The following MTIF3 variants were observed in gnomAD, a reference collection of about 807,000 sequenced individuals.
The protein encoded by MTIF3 is translation initiation factor IF-3, mitochondrial.
In MTIF3, 13 loss-of-function variants were observed where a neutral mutation model predicts 20.7. That is an observed-to-expected ratio of 0.63 (90% CI 0.41 to 1.00). The LOEUF (loss-of-function observed/expected upper bound fraction) is 1.00, where lower values mean the gene tolerates loss of function less well. Ranked by LOEUF, MTIF3 falls within the 50% of genes least tolerant of loss-of-function variation. The pLI, the probability that MTIF3 is intolerant of heterozygous loss-of-function variation, is 0.00. For missense variants in MTIF3, 295 were observed against 324.5 expected (o/e 0.91, Z 0.70); for synonymous variants, 114 against 112.5 (o/e 1.01, Z -0.08).
chr13:27,435,861 C>A lies in MTIF3; in HGVS notation c.651G>T (p.Met217Ile). Reference sequence around the variant, plus strand: ...TAGATGAGAATGTAGCTATTCCAGGCATAGTCTGGAGTATTTGATGAAATA... The same window carrying A: ...TAGATGAGAATGTAGCTATTCCAGGAATAGTCTGGAGTATTTGATGAAATA... ...EEIFHQILQTMPGIATFSSRP... is the reference protein window; with the variant it reads ...EEIFHQILQTIPGIATFSSRP... Residue 217 changes from methionine to isoleucine, a missense_variant, in exon 5 of 5, where the codon ATG (methionine) becomes ATT (isoleucine). Physicochemically the swap from Met to Ile is conservative, Grantham distance 10 (BLOSUM62 1). Coordinates refer to ENST00000381120, the MANE Select transcript of MTIF3 (RefSeq NM_152912.5). 6.2e-7 allele frequency: 1 copy of A among 1,613,678 alleles called. No homozygotes were observed.
intron 2 of MTIF3, among the ~76,000 whole-genome samples, chr13:27,443,336 AG>A (rs759659627): frequency 2.0e-4 from 30 of 152,250 alleles, no homozygotes; most frequent in Non-Finnish European, 4.0e-4. Context: ...CCAAAAAAGA[AG>A]AAAAATCTGA....
intron 2 of MTIF3, among the ~76,000 whole-genome samples, chr13:27,442,286 G>A (rs769723708): frequency 2.6e-5 from 4 of 152,072 alleles, no homozygotes; most frequent in East Asian, 3.9e-4. Flanking sequence ...AAAACCTACC[G>A]TTCAACCAGT....
At chr13:27,440,916 T>C (rs1953984436) in intron 2 of MTIF3, 1 of 170,668 alleles carries the variant, frequency 5.9e-6, no homozygotes, top group Admixed American at 5.4e-5. Flanking sequence ...TAACACATAT[T>C]TTGTATGCCA....
intron 1 of MTIF3, among the ~76,000 whole-genome samples, chr13:27,446,599 C>T (rs912438774): frequency 1.4e-4 from 22 of 152,296 alleles, no homozygotes; most frequent in Middle Eastern, 3.4e-3. Context: ...GCCAATGTAA[C>T]TATTCTAGTC....
chr13:27,446,146 T>G (rs750897504), intron 1 of MTIF3, among the ~76,000 whole-genome samples: 2 of 152,124 alleles, frequency 1.3e-5, no homozygotes, highest in Non-Finnish European at 2.9e-5. Context: ...AACCTCCGCC[T>G]CCCAGGTTCA....
intron 1 of MTIF3, among the ~76,000 whole-genome samples, chr13:27,448,797 G>C (rs1954259932): frequency 6.6e-6 from 1 of 152,114 alleles, no homozygotes; most frequent in Admixed American, 6.5e-5. Flanking sequence ...CAGCACTTTG[G>C]GGAGGCTGAG....
chr13:27,438,481 CTGT>C (rs1247317817), intron 3 of MTIF3, among the ~76,000 whole-genome samples: 2 of 52,066 alleles, frequency 3.8e-5, no homozygotes, highest in African/African-American at 5.7e-5. Context: ...CAGAGCAAGA[CTGT>C]TTTTTTTTTT....
chr13:27,439,976 G>C lies in MTIF3; in HGVS notation c.460+13C>G, dbSNP rs1162196643. The C allele has an allele frequency of 1.9e-6, 3 of 1,610,054 alleles. No individual in the cohort carries two copies. In the South Asian group the frequency reaches 3.3e-5, roughly 18 times the overall value. On this transcript the variant is annotated intron_variant, in intron 3 of 4. Coordinates refer to ENST00000381120, the MANE Select transcript of MTIF3 (RefSeq NM_152912.5). ...TCTTAAAGGATTCAGGGAGCCAACA[G>C]CAAAATACCTACCAGTTTTGGGGTT... is the stretch of plus-strand genomic sequence containing the variant.
In MTIF3 at chr13:27,437,265, G is replaced by T; in HGVS notation, c.469C>A (p.Leu157Met). 6.2e-7 allele frequency: 1 copy of T among 1,613,286 alleles called. No individual in the cohort carries two copies. Among genetic ancestry groups the T allele is most frequent in the Non-Finnish European group, 8.5e-7 (1 of 1,179,914 alleles). ...EKANPKTGPT[L>M]RKELILSSNI... Reference sequence around the variant, plus strand: ...GAAGACAAAATCAGTTCCTTTCTCAGGGTTGGTCCTGGTTTGAAACAGATA... The same window carrying T: ...GAAGACAAAATCAGTTCCTTTCTCATGGTTGGTCCTGGTTTGAAACAGATA... Residue 157 changes from leucine (L) to methionine (M), a missense_variant, in exon 4 of 5, where the codon CTG becomes ATG. By Grantham distance (15) the Leu-to-Met change is conservative (BLOSUM62 2). Coordinates refer to ENST00000381120, the MANE Select transcript of MTIF3 (RefSeq NM_152912.5).
intron 2 of MTIF3, among the ~76,000 whole-genome samples, chr13:27,442,735 C>T (rs1885992): frequency 5.3e-5 from 8 of 152,160 alleles, no homozygotes; most frequent in African/African-American, 1.9e-4. Flanking sequence ...TCTGCTCAAA[C>T]GCTACCTACT....
intron 2 of MTIF3, among the ~76,000 whole-genome samples, chr13:27,441,533 A>G (rs74043904): frequency 1.2e-3 from 177 of 152,330 alleles, no homozygotes; most frequent in African/African-American, 4.0e-3. Context: ...CCAAATGTTA[A>G]CAGAGGCATG....
intron 1 of MTIF3, among the ~76,000 whole-genome samples, chr13:27,447,014 T>C (rs1954201296): frequency 6.6e-6 from 1 of 151,988 alleles, no homozygotes; most frequent in South Asian, 2.1e-4. Flanking sequence ...ATAAAACAAA[T>C]GGTGATGGTT....
chr13:27,447,402 C>T (rs1269525037), intron 1 of MTIF3, among the ~76,000 whole-genome samples: 6 of 152,092 alleles, frequency 3.9e-5, no homozygotes, highest in South Asian at 4.1e-4. Context: ...AGGAGACTAA[C>T]TCAAAATAGA....
chr13:27,437,083 G>A lies in MTIF3; in HGVS notation c.618+33C>T, dbSNP rs374100383. On this transcript the variant is annotated intron_variant, in intron 4 of 4. Coordinates refer to ENST00000381120, the MANE Select transcript of MTIF3 (RefSeq NM_152912.5). Reference sequence around the variant, plus strand: ...GTATTTTTAGATCAGAAGACCCAAAGCACAAGCAGTGGCTTGTACCTTCTT... The same window carrying A: ...GTATTTTTAGATCAGAAGACCCAAAACACAAGCAGTGGCTTGTACCTTCTT... The A allele has an allele frequency of 8.7e-6, 14 of 1,603,786 alleles. No individual in the cohort carries two copies. In the African/African-American group the frequency reaches 1.9e-4, roughly 22 times the overall value.
In MTIF3 at chr13:27,437,194, C is replaced by A. The variant is rs753057889; in HGVS notation, c.540G>T (p.Gln180His). The A allele has an allele frequency of 2.5e-6, 4 of 1,614,008 alleles. No individual in the cohort carries two copies. Among genetic ancestry groups the A allele is most frequent in the Non-Finnish European group, 2.5e-6 (3 of 1,179,900 alleles). ...HDLDTKTKQI[Q>H]QWIKKKHLVQ... ...CTAGGTGTTTTTTCTTAATCCACTG[C>A]TGAATCTGTTTAGTCTTTGTGTCCA... Residue 180 changes from glutamine to histidine, a missense_variant, in exon 4 of 5, where the codon CAG becomes CAT. Transcript: ENST00000381120.
chr13:27,447,875 T>TATATGA (rs1224577184), intron 1 of MTIF3, among the ~76,000 whole-genome samples: 2 of 150,040 alleles, frequency 1.3e-5, no homozygotes, highest in African/African-American at 4.9e-5. Context: ...GTCCTCCAAG[T>TATATGA]ATATGAATAT....
Position 27,436,745 on chromosome 13 carries a change from AT to A in MTIF3, c.618+370del, listed in dbSNP as rs66903644. On this transcript the variant is annotated intron_variant, in intron 4 of 4. Transcript: ENST00000381120. ...GTCTTTATATTTCAGATTTTCTACA[AT>A]TTTTTTTTTTTTTTTTTTTTTTTGA... Among the ~76,000 whole-genome samples, 376 of 90,166 alleles carry A rather than the reference AT, an allele frequency of 4.2e-3. 1 individual carries two copies. The highest frequency in any genetic ancestry group is 0.017 in the South Asian group (38 of 2,260). The allele number at this position is 90,166 out of a possible 152,430, so 59.2% of individuals were successfully genotyped here. A position where few individuals can be genotyped will look rare whatever the true frequency, so the allele number is the denominator to read the frequency against.
chr13:27,440,881 C>T, intron 2 of MTIF3: 1 of 176,396 alleles, frequency 5.7e-6, no homozygotes, highest in South Asian at 1.3e-4. Flanking sequence ...GACTGAAAGC[C>T]TTATGAATAA....
intron 1 of MTIF3, among the ~76,000 whole-genome samples, chr13:27,449,459 T>C (rs1374107541): frequency 6.6e-6 from 1 of 152,126 alleles, no homozygotes. Flanking sequence ...ACCTCTCCAG[T>C]TTCTTCTTTA....
Sources: allele counts gnomAD v4.1 joint callset (sites outside exome capture counted in the v4.1 genomes callset), GRCh38; gene constraint gnomAD v4.1.1; transcripts MANE v1.5; gene names NCBI Gene and HGNC (gene_info 2026-07-23, HGNC 2026-07-21).